Variants in SLC22A5 observed in about 807,000 individuals in gnomAD.
The protein encoded by SLC22A5 is organic cation/carnitine transporter 2.
In SLC22A5, 44 loss-of-function variants were observed where a neutral mutation model predicts 56.7. That is an observed-to-expected ratio of 0.78 (90% CI 0.61 to 1.00). SLC22A5 has a LOEUF of 1.00. Among genes scored for constraint, SLC22A5 ranks in the 50% least tolerant of loss-of-function variants. SLC22A5 has a pLI of 0.00. For synonymous variants in SLC22A5, 278 were observed against 292.1 expected (o/e 0.95, Z 0.49); for missense variants, 675 against 723.0 (o/e 0.93, Z 0.76).
Position 132,385,363 on chromosome 5 carries a change from T to C in SLC22A5, c.688T>C (p.Phe230Leu), listed in dbSNP as rs756650860. ...TCTTGGCAAGTCAGTTCGTATAATA[T>C]TCTCTACGTTAGGAGTGTGCATATT... ...EILGKSVRIIFSTLGVCIFYA... is the reference protein window; with the variant it reads ...EILGKSVRIILSTLGVCIFYA... Residue 230 changes from phenylalanine to leucine, a missense_variant, in exon 4 of 10, where the codon TTC becomes CTC. By Grantham distance (22) the Phe-to-Leu change is conservative (BLOSUM62 0). Transcript: ENST00000245407. 18 of 1,614,056 alleles carry C rather than the reference T, an allele frequency of 1.1e-5. No individual in the cohort carries two copies. Among genetic ancestry groups the C allele is most frequent in the African/African-American group, 2.7e-5 (2 of 74,938 alleles).
chr5:132,371,959 C>T (rs961506863), intron 1 of SLC22A5, among the ~76,000 whole-genome samples: 21 of 152,210 alleles, frequency 1.4e-4, no homozygotes, highest in African/African-American at 4.8e-4. Flanking sequence ...TGAGAGCTAC[C>T]CTGGGAGATC....
chr5:132,370,931 T>C (rs1751891762), intron 1 of SLC22A5, among the ~76,000 whole-genome samples: 1 of 151,254 alleles, frequency 6.6e-6, no homozygotes, highest in Admixed American at 6.6e-5. Context: ...TTGTTTGCCT[T>C]TTCCCATGGT....
In SLC22A5 at chr5:132,390,909, G is replaced by A. The variant is rs367638878; in HGVS notation, c.1267+5G>A. 4.3e-6 allele frequency: 7 copies of A among 1,611,776 alleles called. No homozygotes were observed. In the African/African-American group the frequency reaches 6.7e-5, roughly 15 times the overall value. On this transcript the variant is annotated splice_donor_5th_base_variant and intron_variant, in intron 7 of 9. Transcript: ENST00000245407. ...TCATGCAGCTGGTACCCCCAGGTAG[G>A]GACCATGTGCATCTATGGTTTGGGG...
rs1169672566 is a variant in SLC22A5 at position 132,369,945 on chromosome 5, C to T, written c.-28C>T. ...GCCCGCCGCGTTCCCCGACCCCAGG[C>T]CGCGCTCTGTGGGCCTCTGAGGGCG... On this transcript the variant is annotated 5_prime_UTR_variant, in exon 1 of 10. Transcript: ENST00000245407. 1.9e-6 allele frequency: 3 copies of T among 1,610,812 alleles called. No individual in the cohort carries two copies. Among genetic ancestry groups the T allele is most frequent in the South Asian group, 2.2e-5 (2 of 90,984 alleles).
chr5:132,375,339 G>T (rs114950084), intron 1 of SLC22A5, among the ~76,000 whole-genome samples: 4 of 152,180 alleles, frequency 2.6e-5, no homozygotes, highest in Non-Finnish European at 5.9e-5. Context: ...TTCAGCAGGA[G>T]GCAGGATAAA....
In SLC22A5 at chr5:132,392,449, T is replaced by A. The variant is rs780429964; in HGVS notation, c.1284T>A (p.Ala428=). ...QLVPPDLYYL[A]TVLVMVGKFG... is the part of the protein sequence containing the mutation. The stretch of plus-strand genomic sequence containing the variant: ...CTTCTCCAGACTTGTATTATTTGGC[T>A]ACAGTCCTGGTGATGGTGGGCAAGT... The change falls in exon 8 of 10, where the codon GCT becomes GCA. Residue 428 remains alanine, a synonymous_variant. Coordinates refer to ENST00000245407, the MANE Select transcript of SLC22A5 (RefSeq NM_003060.4). The A allele has an allele frequency of 1.0e-4, 163 of 1,614,124 alleles. 1 individual carries two copies. The Admixed American group carries it at 2.7e-3, about 27-fold the overall frequency.
chr5:132,373,080 C>T (rs992003790), intron 1 of SLC22A5, among the ~76,000 whole-genome samples: 6 of 152,156 alleles, frequency 3.9e-5, no homozygotes, highest in African/African-American at 1.4e-4. Context: ...CAATTTCTGA[C>T]ACAATTCTGG....
At position 132,390,743 on chromosome 5, in the gene SLC22A5, A is replaced by G. The variant is rs756015838; in HGVS notation, c.1106A>G (p.His369Arg). 1 of 1,614,226 alleles carries G rather than the reference A, an allele frequency of 6.2e-7. No homozygotes were observed. The highest frequency in any genetic ancestry group is 8.5e-7 in the Non-Finnish European group (1 of 1,180,030). The change falls in exon 7 of 10, where the codon CAT becomes CGT. Residue 369 changes from histidine (H) to arginine (R), a missense_variant. Transcript: ENST00000245407. ...FGLSLDTPNL[H>R]GDIFVNCFLS... ...CTTTCGCTTGATACTCCTAACTTGC[A>G]TGGGGACATCTTTGTGAACTGCTTC...
chr5:132,370,756 T>C lies in SLC22A5; in HGVS notation c.393+391T>C, dbSNP rs537161145. Among the ~76,000 whole-genome samples, 31 of 152,288 alleles carry C rather than the reference T, an allele frequency of 2.0e-4. 1 individual carries two copies. The South Asian group carries it at 6.4e-3, about 32-fold the overall frequency. On this transcript the variant is annotated intron_variant, in intron 1 of 9. Transcript: ENST00000245407. The stretch of plus-strand genomic sequence containing the variant: ...AGGGGCTATCCCGTTTTTCCTCTAG[T>C]CTCTTGATTTCTTTTTAGAAGAGAA...
rs780129415 is a variant in SLC22A5 at position 132,393,740 on chromosome 5, C to T, written c.1515C>T (p.Leu505=). The change falls in exon 9 of 10, where the codon CTC becomes CTT. Residue 505 remains leucine, a synonymous_variant. Coordinates refer to ENST00000245407, the MANE Select transcript of SLC22A5 (RefSeq NM_003060.4). ...GTCTGACCATCCTGACAGCCATCCT[C>T]ACCTTGTTTCTCCCAGAGAGCTTCG... ...MGSLTILTAI[L]TLFLPESFGT... is the part of the protein sequence containing the mutation. 5.3e-5 allele frequency: 86 copies of T among 1,614,058 alleles called. No individual in the cohort carries two copies. The highest frequency in any genetic ancestry group is 6.4e-5 in the Non-Finnish European group (76 of 1,180,020).
At chr5:132,379,289 A>G (rs1752263079) in intron 2 of SLC22A5, 1 of 152,284 alleles carries the variant, frequency 6.6e-6, no homozygotes, top group African/African-American at 2.4e-5. Flanking sequence ...TGAAGAGAGT[A>G]GCAGCCTTCA....
chr5:132,378,343 A>G, intron 1 of SLC22A5, 35 bp from the exon 2 acceptor site: 1 of 1,612,304 alleles, frequency 6.2e-7, no homozygotes, highest in East Asian at 2.2e-5. Flanking sequence ...TTTTAAAAAG[A>G]AGTGAATGAT....
intron 7 of SLC22A5, 21 bp from the exon 8 acceptor site, chr5:132,392,412 C>G: frequency 6.2e-7 from 1 of 1,612,724 alleles, no homozygotes. Flanking sequence ...TACTCCTACC[C>G]TCTTTCCTTT....
At chr5:132,391,882 G>A (rs1168806755) in intron 7 of SLC22A5, among the ~76,000 whole-genome samples, 1 of 152,190 alleles carries the variant, frequency 6.6e-6, no homozygotes, top group African/African-American at 2.4e-5. Context: ...GATGTGGCAG[G>A]AGGAGCCCAG....
chr5:132,370,131 G>T lies in SLC22A5; in HGVS notation c.159G>T (p.Pro53=). The part of the protein sequence containing the change: ...IATPEHRCRV[P]DAANLSSAWR... ...CCCCGGAGCACCGCTGCCGGGTGCCGGACGCCGCGAACCTGAGCAGCGCCT... is the reference window on the plus strand; with the variant it reads ...CCCCGGAGCACCGCTGCCGGGTGCCTGACGCCGCGAACCTGAGCAGCGCCT... The change falls in exon 1 of 10, where the codon CCG becomes CCT. Residue 53 remains proline, a synonymous_variant. Transcript: ENST00000245407. 1 of 1,610,250 alleles carries T rather than the reference G, an allele frequency of 6.2e-7. No individual in the cohort carries two copies. The highest frequency in any genetic ancestry group is 1.1e-5 in the South Asian group (1 of 90,806).
intron 1 of SLC22A5, among the ~76,000 whole-genome samples, chr5:132,372,168 T>C (rs1295922153): frequency 2.0e-5 from 3 of 152,162 alleles, no homozygotes; most frequent in African/African-American, 7.2e-5. Flanking sequence ...CAACTGTGCT[T>C]TCTGGCCCAT....
At chr5:132,391,078 C>T (rs1293403081) in intron 7 of SLC22A5, among the ~76,000 whole-genome samples, 174 bp downstream of exon 7, 1 of 152,156 alleles carries the variant, frequency 6.6e-6, no homozygotes, top group Non-Finnish European at 1.5e-5. Context: ...ACACTTATGG[C>T]CTGGGCTTTG....
rs796052037 is a variant in SLC22A5 at position 132,370,081 on chromosome 5, C to T, written c.109C>T (p.Leu37=). Residue 37 remains leucine, a synonymous_variant, in exon 1 of 10, where the codon CTG becomes TTG. Coordinates refer to ENST00000245407, the MANE Select transcript of SLC22A5 (RefSeq NM_003060.4). ...CATCATCCCCAATGGCTTCACCGGC[C>T]TGTCCTCCGTGTTCCTGATAGCGAC... The part of the protein sequence containing the change: ...ASIIPNGFTG[L]SSVFLIATPE... The T allele has an allele frequency of 2.5e-6, 4 of 1,612,988 alleles. No homozygotes were observed.
At chr5:132,370,951 G>T (rs1337170306) in intron 1 of SLC22A5, among the ~76,000 whole-genome samples, 6 of 101,178 alleles carry the variant, frequency 5.9e-5, no homozygotes, top group East Asian at 1.0e-3. Flanking sequence ...TCAGTTGTCA[G>T]TCTTTTTTTT....
Sources: allele counts gnomAD v4.1 joint callset (sites outside exome capture counted in the v4.1 genomes callset), GRCh38; gene constraint gnomAD v4.1.1; transcripts MANE v1.5; gene names NCBI Gene and HGNC (gene_info 2026-07-23, HGNC 2026-07-21).